STK31: variants seen among roughly 807,000 people sequenced by gnomAD.
STK31 encodes the protein serine/threonine kinase 31.
STK31 carries 89 observed loss-of-function variants against 129.7 expected under a neutral mutation model. That is an observed-to-expected ratio of 0.69 (90% CI 0.58 to 0.82). The LOEUF (loss-of-function observed/expected upper bound fraction) is 0.82, where lower values mean the gene tolerates loss of function less well. Among genes scored for constraint, STK31 ranks in the 40% least tolerant of loss-of-function variants. STK31 has a pLI of 0.00. For missense variants in STK31, 1,187 were observed against 1,176.4 expected (o/e 1.01, Z -0.13); for synonymous variants, 448 against 395.3 (o/e 1.13, Z -1.58).
intron 22 of STK31, among the ~76,000 whole-genome samples, chr7:23,799,996 C>G (rs1792265216): frequency 2.0e-5 from 3 of 152,310 alleles, no homozygotes; most frequent in Non-Finnish European, 1.5e-5. Context: ...CTCATCATCA[C>G]TGGTCATTAG....
intron 10 of STK31, among the ~76,000 whole-genome samples, chr7:23,758,381 G>A (rs1789241099): frequency 6.6e-6 from 1 of 151,842 alleles, no homozygotes; most frequent in Non-Finnish European, 1.5e-5. Context: ...TCTAGCTAGT[G>A]GTCTGTTTTG....
chr7:23,723,811 C>G (rs899896257), intron 4 of STK31, among the ~76,000 whole-genome samples: 2 of 152,122 alleles, frequency 1.3e-5, no homozygotes, highest in African/African-American at 2.4e-5. Context: ...ATTACACTAA[C>G]AGAGCCACGA....
At position 23,788,347 on chromosome 7, in the gene STK31, A is replaced by G. The variant is rs3213786; in HGVS notation, c.2637+218A>G. Among the ~76,000 whole-genome samples, 6 of 152,180 alleles carry G rather than the reference A, an allele frequency of 3.9e-5. No homozygotes were observed. In the East Asian group the frequency reaches 7.7e-4, roughly 20 times the overall value. On this transcript the variant is annotated intron_variant, in intron 21 of 23. Coordinates refer to ENST00000355870, the MANE Select transcript of STK31 (RefSeq NM_031414.5). ...TAAGTCTTAGGAGCTACCTGACATT[A>G]TATACTCAATGGCATTGACAACATT...
intron 22 of STK31, among the ~76,000 whole-genome samples, chr7:23,801,279 T>G (rs1364528665): frequency 6.6e-6 from 1 of 152,224 alleles, no homozygotes; most frequent in Non-Finnish European, 1.5e-5. Flanking sequence ...TCATTGTGGT[T>G]TTAATTTCTC....
chr7:23,719,371 G>A (rs1786545229), intron 4 of STK31, among the ~76,000 whole-genome samples: 1 of 151,742 alleles, frequency 6.6e-6, no homozygotes, highest in African/African-American at 2.4e-5. Context: ...CTCCTAAATA[G>A]TAAAATTATC....
intron 8 of STK31, among the ~76,000 whole-genome samples, chr7:23,737,603 A>G (rs1787792032): frequency 6.6e-6 from 1 of 152,226 alleles, no homozygotes; most frequent in Non-Finnish European, 1.5e-5. Context: ...GCAGTATTCA[A>G]ATTTGCCATA....
intron 6 of STK31, among the ~76,000 whole-genome samples, chr7:23,735,195 C>G (rs578064652): frequency 6.6e-6 from 1 of 151,886 alleles, no homozygotes; most frequent in East Asian, 1.9e-4. Context: ...CATTTTTATG[C>G]GCTATTGCTT....
chr7:23,710,769 G>A, intron 1 of STK31: 1 of 1,022,094 alleles, frequency 9.8e-7, no homozygotes, highest in Non-Finnish European at 1.2e-6. Context: ...TTCATAATCA[G>A]GGCAAGTCAT....
intron 8 of STK31, among the ~76,000 whole-genome samples, chr7:23,750,067 T>TCCCCCCCCCCCCCCCCCC (rs1171568592): frequency 9.9e-5 from 9 of 90,548 alleles, no homozygotes; most frequent in African/African-American, 1.6e-4. Flanking sequence ...ATGGTTTGTT[T>TCCCCCCCCCCCCCCCCCC]CCCCCCCCGC....
chr7:23,734,029 GTTAT>G (rs1470349167), intron 6 of STK31, among the ~76,000 whole-genome samples: 1 of 152,044 alleles, frequency 6.6e-6, no homozygotes, highest in African/African-American at 2.4e-5. Flanking sequence ...TCTTAAAAAT[GTTAT>G]TTAGTTTCTT....
chr7:23,811,400 G>C, intron 22 of STK31: 1 of 335,544 alleles, frequency 3.0e-6, no homozygotes. Flanking sequence ...CATCTTGTAG[G>C]CTTCTTTTAT....
At chr7:23,778,983 G>T (rs149103859) in intron 15 of STK31, among the ~76,000 whole-genome samples, 2 of 151,952 alleles carry the variant, frequency 1.3e-5, no homozygotes, top group African/African-American at 4.8e-5. Flanking sequence ...ATCTACCTTT[G>T]GTCTTTGATG....
At position 23,788,324 on chromosome 7, in the gene STK31, A is replaced by C. The variant is rs552089530; in HGVS notation, c.2637+195A>C. Among the ~76,000 whole-genome samples the C allele has an allele frequency of 9.2e-5, 14 of 152,244 alleles. No homozygotes were observed. The South Asian group carries it at 2.9e-3, about 32-fold the overall frequency. On this transcript the variant is annotated intron_variant, in intron 21 of 23. Coordinates refer to ENST00000355870, the MANE Select transcript of STK31 (RefSeq NM_031414.5). ...AGGAGTATTGTGTATTTTAACCATA[A>C]GTCTTAGGAGCTACCTGACATTATA...
intron 22 of STK31, among the ~76,000 whole-genome samples, chr7:23,793,971 ACAACT>A (rs1445847166): frequency 6.6e-6 from 1 of 152,262 alleles, no homozygotes; most frequent in Non-Finnish European, 1.5e-5. Flanking sequence ...AAAACTAGAA[ACAACT>A]CAAAGTCCAT....
At chr7:23,787,058 C>T (rs1791330432) in intron 20 of STK31, 134 bp downstream of exon 20, 1 of 785,788 alleles carries the variant, frequency 1.3e-6, no homozygotes, top group Non-Finnish European at 2.0e-6. Context: ...CACCTCAAGC[C>T]TGTGATAGAA....
At chr7:23,728,998 T>C (rs1035127482) in intron 5 of STK31, 93 bp from the exon 6 acceptor site, 5 of 1,118,558 alleles carry the variant, frequency 4.5e-6, no homozygotes, top group Non-Finnish European at 6.1e-6. Flanking sequence ...TATTTTGATA[T>C]ACAGGTCATT....
intron 4 of STK31, chr7:23,721,527 T>A (rs933546297): frequency 2.1e-6 from 2 of 953,398 alleles, no homozygotes; most frequent in African/African-American, 1.7e-5. Flanking sequence ...GTGTTAGTTC[T>A]CTGTTTAACT....
At chr7:23,742,901 G>A (rs1313891430) in intron 8 of STK31, among the ~76,000 whole-genome samples, 3 of 150,402 alleles carry the variant, frequency 2.0e-5, no homozygotes, top group African/African-American at 7.3e-5. Context: ...GGGAACATTT[G>A]ATTCCTTTCT....
chr7:23,727,465 AC>A (rs751503559), intron 5 of STK31, 150 bp downstream of exon 5: 2 of 642,586 alleles, frequency 3.1e-6, no homozygotes, highest in South Asian at 2.0e-5. Context: ...TTGCTAAAAA[AC>A]ATGTTGTTTT....
Sources: allele counts gnomAD v4.1 joint callset (sites outside exome capture counted in the v4.1 genomes callset), GRCh38; gene constraint gnomAD v4.1.1; transcripts MANE v1.5; gene names NCBI Gene and HGNC (gene_info 2026-07-23, HGNC 2026-07-21).